SRGAP3: variants seen among roughly 807,000 people sequenced by gnomAD.
The protein encoded by SRGAP3 is SLIT-ROBO Rho GTPase-activating protein 3.
A neutral mutation model predicts 121.1 loss-of-function variants in SRGAP3; 39 were observed. That is an observed-to-expected ratio of 0.32 (90% CI 0.25 to 0.42). The LOEUF is 0.42. Among genes scored for constraint, SRGAP3 ranks in the 10% least tolerant of loss-of-function variants. The pLI is 1.00. For synonymous variants in SRGAP3, 601 were observed against 570.0 expected, an observed-to-expected ratio of 1.05 and a Z score of -0.77; for missense variants, 1,213 against 1,470.6, an observed-to-expected ratio of 0.82 and a Z score of 2.86.
At position 9,249,113 on chromosome 3, in the gene SRGAP3, T is replaced by C; in HGVS notation, c.-162A>G. On this transcript the variant is annotated 5_prime_UTR_variant, in exon 1 of 22. Transcript: ENST00000383836. ...TGCAGAGCAGGGAGAAAAATCCTTC[T>C]CCTTCTGGAAGGAAAAATCTCTTTA... 1.4e-6 allele frequency: 1 copy of C among 736,982 alleles called. No homozygotes were observed. The highest frequency in any genetic ancestry group is 2.3e-6 in the Non-Finnish European group (1 of 426,634). The allele number at this position is 736,982 out of a possible 1,614,324, so 45.7% of individuals were successfully genotyped here.
At chr3:9,285,943 A>G (rs1296790336) in intron 3 of SRGAP3, among the ~76,000 whole-genome samples, 2 of 151,914 alleles carry the variant, frequency 1.3e-5, no homozygotes, top group Admixed American at 1.3e-4. Flanking sequence ...TCTCTTCTCT[A>G]CTAAAAACAA....
intron 1 of SRGAP3, among the ~76,000 whole-genome samples, chr3:9,246,327 G>C (rs1230139379): frequency 6.6e-6 from 1 of 152,136 alleles, no homozygotes; most frequent in Non-Finnish European, 1.5e-5. Flanking sequence ...AATTGGCCTC[G>C]GGCACTGTTT....
At chr3:9,114,908 G>C (rs1013565968) in intron 2 of SRGAP3, among the ~76,000 whole-genome samples, 3 of 152,202 alleles carry the variant, frequency 2.0e-5, no homozygotes, top group Admixed American at 1.3e-4. Flanking sequence ...TGTCTGATAG[G>C]CATCATCTCA....
chr3:8,985,462 C>A lies in SRGAP3; in HGVS notation c.*57G>T. On this transcript the variant is annotated 3_prime_UTR_variant, in exon 22 of 22. Transcript: ENST00000383836. This position sits in a 1 kb window ranked among gnomAD's most constrained non-coding sequence, Gnocchi z 5.1. Reference sequence around the variant, plus strand: ...GGGAAGCACGTGGAAGCCACCAAGGCCACCCTGGGCCGTGGTGAGCCACAG... The same window carrying A: ...GGGAAGCACGTGGAAGCCACCAAGGACACCCTGGGCCGTGGTGAGCCACAG... The A allele has an allele frequency of 6.3e-7, 1 of 1,591,014 alleles. No individual in the cohort carries two copies. The highest frequency in any genetic ancestry group is 1.1e-5 in the South Asian group (1 of 90,060).
chr3:9,196,999 C>T lies in SRGAP3; in HGVS notation c.67+51886G>A, dbSNP rs189908854. Among the ~76,000 whole-genome samples the T allele has an allele frequency of 3.0e-4, 46 of 152,292 alleles. 1 individual carries two copies. In the East Asian group the frequency reaches 4.8e-3, roughly 16 times the overall value. On this transcript the variant is annotated intron_variant, in intron 1 of 21. Coordinates refer to ENST00000383836, the MANE Select transcript of SRGAP3 (RefSeq NM_014850.4). ...CTAAAACACACCTCTCCAAAGTTTT[C>T]GTCCTCCCCATTCAAAGATGCACAA...
intron 17 of SRGAP3, among the ~76,000 whole-genome samples, chr3:9,011,863 C>T (rs1461723225): frequency 1.3e-5 from 2 of 152,120 alleles, no homozygotes; most frequent in African/African-American, 2.4e-5. Flanking sequence ...TTTACAGTCT[C>T]GTGGGAAACA....
chr3:9,075,139 C>A (rs1273915321), intron 4 of SRGAP3, among the ~76,000 whole-genome samples: 1 of 152,206 alleles, frequency 6.6e-6, no homozygotes, highest in Non-Finnish European at 1.5e-5. Context: ...TGATTTGCCT[C>A]TTCTAGAAGG....
At chr3:9,120,836 A>T (rs973458804) in intron 2 of SRGAP3, among the ~76,000 whole-genome samples, 3 of 152,368 alleles carry the variant, frequency 2.0e-5, no homozygotes, top group Non-Finnish European at 4.4e-5. Flanking sequence ...CAGAACCATC[A>T]CGTGGGCCTT....
At chr3:9,049,461 A>G in intron 9 of SRGAP3, 1 of 456,116 alleles carries the variant, frequency 2.2e-6, no homozygotes, top group Non-Finnish European at 4.4e-6. Context: ...AAACATCATC[A>G]GGCCCCTTCT....
At chr3:9,087,856 G>C (rs1947568908) in intron 3 of SRGAP3, among the ~76,000 whole-genome samples, 1 of 152,096 alleles carries the variant, frequency 6.6e-6, no homozygotes, top group Non-Finnish European at 1.5e-5. Flanking sequence ...TCGGGTTCTT[G>C]TATCTCTTCC....
intron 9 of SRGAP3, chr3:9,049,512 T>C (rs768229195): frequency 6.6e-6 from 3 of 456,056 alleles, no homozygotes; most frequent in South Asian, 3.1e-5. Context: ...GGTCACTCAC[T>C]GGGTACCTCG....
chr3:9,276,705 G>A (rs541160286), intron 3 of SRGAP3, among the ~76,000 whole-genome samples: 9 of 152,314 alleles, frequency 5.9e-5, no homozygotes, highest in East Asian at 3.9e-4. Context: ...AATTACAGGC[G>A]TAAGCCACCG....
intron 3 of SRGAP3, among the ~76,000 whole-genome samples, chr3:9,310,322 C>T (rs936052907): frequency 2.6e-5 from 4 of 152,108 alleles, no homozygotes; most frequent in Non-Finnish European, 5.9e-5. Flanking sequence ...TTCCTAGCAT[C>T]CACTCCTCTC....
intron 14 of SRGAP3, among the ~76,000 whole-genome samples, chr3:9,021,524 C>T (rs1943920488): frequency 1.3e-5 from 2 of 151,518 alleles, no homozygotes. Flanking sequence ...AGAATTCCAA[C>T]TAAAACTCTG....
In SRGAP3 at chr3:9,032,695, C is replaced by T. The variant is rs1211550350; in HGVS notation, c.1494G>A (p.Val498=). The T allele has an allele frequency of 2.5e-6, 4 of 1,613,322 alleles. No homozygotes were observed. Among genetic ancestry groups the T allele is most frequent in the East Asian group, 2.2e-5 (1 of 44,860 alleles). ...TGCCGTTAAAGAGTTTATGGCTATA[C>T]ACTGAGAGAGGCCTAGGTCTCCTCA... ...QKMRRPRPLS[V]YSHKLFNGSM... is the part of the protein sequence containing the mutation. The change falls in exon 12 of 22, where the codon GTG becomes GTA. Residue 498 remains valine, a synonymous_variant. Coordinates refer to ENST00000383836, the MANE Select transcript of SRGAP3 (RefSeq NM_014850.4).
upstream of SRGAP3, among the ~76,000 whole-genome samples, chr3:9,254,079 T>C (rs982661311): frequency 6.6e-6 from 1 of 152,032 alleles, no homozygotes; most frequent in Non-Finnish European, 1.5e-5. Flanking sequence ...TCAGAAACAA[T>C]AGTTGCAACA....
At chr3:9,116,809 C>T (rs1948821738) in intron 2 of SRGAP3, among the ~76,000 whole-genome samples, 1 of 152,248 alleles carries the variant, frequency 6.6e-6, no homozygotes, top group Non-Finnish European at 1.5e-5. Flanking sequence ...CTCACCTGTG[C>T]TAGCTATGTC....
chr3:9,272,169 G>C (rs1324232730), intron 3 of SRGAP3, among the ~76,000 whole-genome samples: 1 of 152,222 alleles, frequency 6.6e-6, no homozygotes, highest in African/African-American at 2.4e-5. Flanking sequence ...CTTCGTAGTA[G>C]AAAATGTTGT....
intron 3 of SRGAP3, among the ~76,000 whole-genome samples, chr3:9,096,961 A>G (rs1948002476): frequency 1.1e-5 from 1 of 92,916 alleles, no homozygotes; most frequent in African/African-American, 5.7e-5. Context: ...ATATATATAT[A>G]TATATATATA....
Sources: allele counts gnomAD v4.1 joint callset (sites outside exome capture counted in the v4.1 genomes callset), GRCh38; gene constraint gnomAD v4.1.1; non-coding constraint Gnocchi (gnomAD v3.1); transcripts MANE v1.5; gene names NCBI Gene and HGNC (gene_info 2026-07-23, HGNC 2026-07-21).